Variants in METTL25 observed in about 807,000 individuals in gnomAD.
METTL25 encodes probable methyltransferase-like protein 25.
In METTL25, 64 loss-of-function variants were observed where a neutral mutation model predicts 71.6. The observed-to-expected ratio is 0.89, with a 90% CI of 0.73 to 1.10. METTL25 has a LOEUF of 1.10. METTL25 is among the 50% of genes least tolerant of loss of function. The pLI is 0.00. For synonymous variants in METTL25, 287 were observed against 250.3 expected, an observed-to-expected ratio of 1.15 and a Z score of -1.38; for missense variants, 807 against 707.0, an observed-to-expected ratio of 1.14 and a Z score of -1.60.
At position 82,479,058 on chromosome 12, in the gene METTL25, C is replaced by G; in HGVS notation, c.*34C>G. The G allele has an allele frequency of 1.3e-6, 2 of 1,560,798 alleles. No homozygotes were observed. The highest frequency in any genetic ancestry group is 1.8e-6 in the Non-Finnish European group (2 of 1,133,060). On this transcript the variant is annotated 3_prime_UTR_variant, in exon 12 of 12. Transcript: ENST00000248306. Reference sequence around the variant, plus strand: ...GAAGCAAATTATTAGATGTATTTCTCTATGAGACCTGTTGCTGAGATTGCT... The same window carrying G: ...GAAGCAAATTATTAGATGTATTTCTGTATGAGACCTGTTGCTGAGATTGCT...
intron 1 of METTL25, among the ~76,000 whole-genome samples, chr12:82,375,858 T>G (rs1405982489): frequency 1.3e-5 from 2 of 152,228 alleles, no homozygotes; most frequent in Non-Finnish European, 2.9e-5. Flanking sequence ...TACCCTTATA[T>G]CCCAATTTAG....
intron 8 of METTL25, among the ~76,000 whole-genome samples, chr12:82,449,059 G>A (rs1592742740): frequency 1.3e-5 from 2 of 152,102 alleles, no homozygotes; most frequent in South Asian, 2.1e-4. Context: ...TCTTACAATT[G>A]CATTTTTGGA....
intron 1 of METTL25, among the ~76,000 whole-genome samples, chr12:82,362,622 G>C (rs1293491961): frequency 1.3e-5 from 2 of 152,248 alleles, no homozygotes; most frequent in Middle Eastern, 3.4e-3. Context: ...CTCAGTATTT[G>C]GCTTTTATTC....
chr12:82,451,650 C>T (rs1246768770), intron 8 of METTL25, among the ~76,000 whole-genome samples: 1 of 152,020 alleles, frequency 6.6e-6, no homozygotes, highest in Non-Finnish European at 1.5e-5. Context: ...TTTTGTGGAG[C>T]CCACTCTGAA....
intron 1 of METTL25, 171 bp downstream of exon 1, chr12:82,358,995 T>A (rs1881395380): frequency 7.3e-6 from 5 of 680,532 alleles, no homozygotes; most frequent in African/African-American, 1.8e-5. Flanking sequence ...GGTGGGGATG[T>A]TCTTTGGAAT....
intron 5 of METTL25, among the ~76,000 whole-genome samples, chr12:82,425,146 A>G (rs573218191): frequency 2.6e-5 from 4 of 152,210 alleles, no homozygotes; most frequent in East Asian, 1.9e-4. Context: ...CAAATTGGCT[A>G]TCACTGACAG....
rs747731767 is a variant in METTL25, at chr12:82,358,573, C to G, written c.8C>G (p.Ala3Gly). Residue 3 changes from alanine to glycine, a missense_variant, in exon 1 of 12, where the codon GCT becomes GGT. Coordinates refer to ENST00000248306, the MANE Select transcript of METTL25 (RefSeq NM_032230.3). MA[A>G]SCPLPVTPDL... ...CCTCGGAGGGTGAGCGTCATGGCGG[C>G]TTCTTGCCCTCTCCCGGTGACCCCG... 3.7e-6 allele frequency: 6 copies of G among 1,610,644 alleles called. No homozygotes were observed. The highest frequency in any genetic ancestry group is 4.2e-6 in the Non-Finnish European group (5 of 1,179,664).
At chr12:82,436,175 A>T (rs1461976203) in intron 7 of METTL25, among the ~76,000 whole-genome samples, 1 of 151,450 alleles carries the variant, frequency 6.6e-6, no homozygotes, top group African/African-American at 2.4e-5. Context: ...GTTGGGTATT[A>T]TCCTAAACCT....
chr12:82,368,583 C>G (rs1044253660), intron 1 of METTL25, among the ~76,000 whole-genome samples: 2 of 152,094 alleles, frequency 1.3e-5, no homozygotes, highest in African/African-American at 2.4e-5. Context: ...TTCCCTCATA[C>G]CCCCGAAAAT....
chr12:82,365,180 G>A (rs1882423537), intron 1 of METTL25, among the ~76,000 whole-genome samples: 1 of 152,044 alleles, frequency 6.6e-6, no homozygotes, highest in Non-Finnish European at 1.5e-5. Flanking sequence ...ATTATTTCTG[G>A]TTGATCCCTG....
At chr12:82,450,414 T>G (rs1468878390) in intron 8 of METTL25, among the ~76,000 whole-genome samples, 1 of 152,118 alleles carries the variant, frequency 6.6e-6, no homozygotes, top group Non-Finnish European at 1.5e-5. Context: ...TTTTTTTCAC[T>G]TTTCACCGTC....
chr12:82,466,253 T>C (rs1315228499), intron 9 of METTL25, among the ~76,000 whole-genome samples: 1 of 151,866 alleles, frequency 6.6e-6, no homozygotes, highest in Admixed American at 6.6e-5. Flanking sequence ...TTAATACTGC[T>C]TTTGGTGTCT....
intron 3 of METTL25, among the ~76,000 whole-genome samples, chr12:82,393,740 G>A (rs1278679094): frequency 6.6e-6 from 1 of 151,906 alleles, no homozygotes; most frequent in Non-Finnish European, 1.5e-5. Flanking sequence ...TATTCAGTAT[G>A]ATGCTAGATG....
At chr12:82,462,937 A>G (rs889837052) in intron 9 of METTL25, among the ~76,000 whole-genome samples, 2 of 151,932 alleles carry the variant, frequency 1.3e-5, no homozygotes, top group Non-Finnish European at 2.9e-5. Context: ...TTTATTTTTT[A>G]TTTTTTAAAT....
chr12:82,457,329 G>GT (rs1304881274), intron 9 of METTL25, among the ~76,000 whole-genome samples: 3 of 3,092 alleles, frequency 9.7e-4, no homozygotes, highest in Non-Finnish European at 4.0e-3. Context: ...CTACCACTGA[G>GT]GGAAAAAAAA....
chr12:82,374,461 C>G (rs112910921), intron 1 of METTL25, among the ~76,000 whole-genome samples: 53 of 152,150 alleles, frequency 3.5e-4, no homozygotes, highest in African/African-American at 1.3e-3. Flanking sequence ...CTGATTGGTG[C>G]GTTTACAGTC....
At chr12:82,422,259 A>G (rs1029116818) in intron 5 of METTL25, among the ~76,000 whole-genome samples, 6 of 152,130 alleles carry the variant, frequency 3.9e-5, no homozygotes, top group Non-Finnish European at 5.9e-5. Context: ...AAATCAATAA[A>G]CGTAATCCGG....
At chr12:82,422,439 A>G (rs1247591323) in intron 5 of METTL25, among the ~76,000 whole-genome samples, 1 of 152,188 alleles carries the variant, frequency 6.6e-6, no homozygotes, top group Non-Finnish European at 1.5e-5. Flanking sequence ...AGCCAATATC[A>G]TACTGAATGG....
intron 9 of METTL25, among the ~76,000 whole-genome samples, chr12:82,473,098 T>C (rs978855382): frequency 6.6e-5 from 10 of 152,250 alleles, no homozygotes; most frequent in Admixed American, 2.0e-4. Context: ...GCTAGTGGCA[T>C]TCATGAGTGT....
Sources: allele counts gnomAD v4.1 joint callset (sites outside exome capture counted in the v4.1 genomes callset), GRCh38; gene constraint gnomAD v4.1.1; transcripts MANE v1.5; gene names NCBI Gene and HGNC (gene_info 2026-07-23, HGNC 2026-07-21).